DRICH1: variants seen among roughly 807,000 people sequenced by gnomAD.
DRICH1 encodes aspartate-rich protein 1.
A neutral mutation model predicts 39.5 loss-of-function variants in DRICH1; 38 were observed. That is an observed-to-expected ratio of 0.96 (90% confidence interval 0.74 to 1.26). The LOEUF (loss-of-function observed/expected upper bound fraction) is 1.26, where lower values mean the gene tolerates loss of function less well. Among genes scored for constraint, DRICH1 ranks in the 50% most tolerant of loss-of-function variants. The probability of loss-of-function intolerance (pLI) is 0.00; values close to 1 mark genes in which losing one functional copy is unlikely to be tolerated. For synonymous variants in DRICH1, 84 were observed against 99.5 expected (o/e 0.84, Z 0.93); for missense variants, 279 against 270.4 (o/e 1.03, Z -0.22).
At chr22:23,597,363 C>T in the DRICH1 span, among the ~76,000 whole-genome samples, 113 of 147,062 alleles carry the variant, frequency 7.7e-4, 2 homozygotes, top group South Asian at 0.016. Flanking sequence ...TAAAATTAGC[C>T]GGTCACCTAT....
chr22:23,606,537 G>A (rs1401108864), downstream of DRICH1, among the ~76,000 whole-genome samples: 4 of 152,148 alleles, frequency 2.6e-5, no homozygotes, highest in South Asian at 2.1e-4. Context: ...CTTCCATCTC[G>A]GAGTCGAACC....
the DRICH1 span, among the ~76,000 whole-genome samples, chr22:23,582,801 T>C: frequency 6.6e-6 from 1 of 152,080 alleles, no homozygotes; most frequent in Admixed American, 6.5e-5. Context: ...TCTCAGGCGA[T>C]CAGCCCACCT....
chr22:23,592,868 AC>A, the DRICH1 span, among the ~76,000 whole-genome samples: 7 of 151,072 alleles, frequency 4.6e-5, no homozygotes, highest in Admixed American at 2.6e-4. Context: ...ACACACACAC[AC>A]ACACACACAC....
chr22:23,582,570 A>ATTAT, the DRICH1 span, among the ~76,000 whole-genome samples: 96 of 135,650 alleles, frequency 7.1e-4, 4 homozygotes, highest in African/African-American at 2.3e-3. Flanking sequence ...TATTATTATT[A>ATTAT]TTATTATTAT....
the DRICH1 span, chr22:23,581,463 T>A: frequency 2.0e-5 from 3 of 152,446 alleles, no homozygotes; most frequent in Admixed American, 2.0e-4. Context: ...CTCTCCTTCC[T>A]CCAGAGGCGG....
chr22:23,605,644 C>T (rs1926685208), downstream of DRICH1, among the ~76,000 whole-genome samples: 1 of 147,126 alleles, frequency 6.8e-6, no homozygotes, highest in Admixed American at 6.7e-5. Flanking sequence ...GCCTCCATTC[C>T]CACCCCTGCC....
the DRICH1 span, among the ~76,000 whole-genome samples, chr22:23,597,502 C>CAAAAAAA: frequency 9.4e-5 from 10 of 106,420 alleles, no homozygotes; most frequent in Non-Finnish European, 1.3e-4. Context: ...GACCCTGTCT[C>CAAAAAAA]AAAAAAAAAA....
At chr22:23,595,229 C>G in the DRICH1 span, among the ~76,000 whole-genome samples, 1 of 141,088 alleles carries the variant, frequency 7.1e-6, no homozygotes, top group African/African-American at 2.7e-5. Flanking sequence ...CCCTAGAGGC[C>G]GGAATCAGAC....
At chr22:23,619,221 G>T in intron 6 of DRICH1, 143 bp downstream of exon 6, 13 of 554,368 alleles carry the variant, frequency 2.3e-5, no homozygotes, top group East Asian at 6.6e-5. Flanking sequence ...TATTAGTCAT[G>T]TTAAATCTAA....
At chr22:23,595,087 G>A in the DRICH1 span, among the ~76,000 whole-genome samples, 15,187 of 146,676 alleles carry the variant, frequency 0.1, 735 homozygotes, top group East Asian at 0.17. Context: ...TCCTCCGTGT[G>A]CCCGGCCCTG....
At chr22:23,594,750 T>C in the DRICH1 span, among the ~76,000 whole-genome samples, 3 of 152,144 alleles carry the variant, frequency 2.0e-5, no homozygotes, top group African/African-American at 7.2e-5. Flanking sequence ...ACAGGATCTA[T>C]TCCTGTTAAA....
chr22:23,627,899 G>A (rs7292741), intron 1 of DRICH1, among the ~76,000 whole-genome samples: 51,707 of 151,958 alleles, frequency 0.34, 10,151 homozygotes, highest in African/African-American at 0.55. Flanking sequence ...CATCCCAGGG[G>A]TGTGTTCATT....
intron 11 of DRICH1, among the ~76,000 whole-genome samples, 176 bp downstream of exon 11, chr22:23,613,113 T>G (rs1386761162): frequency 6.6e-6 from 1 of 152,184 alleles, no homozygotes; most frequent in African/African-American, 2.4e-5. Flanking sequence ...ATAGAGACAG[T>G]TCTTACCATG....
rs115061956 is a variant in DRICH1 at position 23,614,250 on chromosome 22, G to C, written c.542-36C>G. The C allele has an allele frequency of 5.8e-4, 871 of 1,496,472 alleles. 4 individuals carry two copies. The African/African-American group carries it at 0.011, about 18-fold the overall frequency. The allele number at this position is 1,496,472 out of a possible 1,614,324, so 92.7% of individuals were successfully genotyped here. A position where few individuals can be genotyped will look rare whatever the true frequency, so the allele number is the denominator to read the frequency against. On this transcript the variant is annotated intron_variant, in intron 8 of 11. Coordinates refer to ENST00000317749, the MANE Select transcript of DRICH1 (RefSeq NM_016449.4). ...ACAGAGGAAAGATCAGTGCACCGGTGGTTGGTGACTCTGAGTCACTCGGGG... is the reference window on the plus strand; with the variant it reads ...ACAGAGGAAAGATCAGTGCACCGGTCGTTGGTGACTCTGAGTCACTCGGGG...
At position 23,619,411 on chromosome 22, in the gene DRICH1, A is replaced by C. The variant is rs1350491823; in HGVS notation, c.407-18T>G. 1 of 780,006 alleles carries C rather than the reference A, an allele frequency of 1.3e-6. No homozygotes were observed. Among genetic ancestry groups the C allele is most frequent in the African/African-American group, 1.7e-5 (1 of 59,104 alleles). 48.3% of individuals were successfully genotyped at this position (780,006 alleles called of 1,614,324 possible). On this transcript the variant is annotated intron_variant, in intron 5 of 11. Coordinates refer to ENST00000317749, the MANE Select transcript of DRICH1 (RefSeq NM_016449.4). Reference sequence around the variant, plus strand: ...ACAGCCACCTGCGGAGAAATGGAAAAGTTAATCTAAGACTTTAAGGAATCT... The same window carrying C: ...ACAGCCACCTGCGGAGAAATGGAAACGTTAATCTAAGACTTTAAGGAATCT...
intron 8 of DRICH1, 109 bp from the exon 9 acceptor site, chr22:23,614,323 A>T: frequency 1.3e-6 from 1 of 769,410 alleles, no homozygotes; most frequent in Non-Finnish European, 2.3e-6. Context: ...ACAAGCATGG[A>T]CTGAGTTGAT....
At chr22:23,631,321 C>T (rs1449688749) in intron 1 of DRICH1, among the ~76,000 whole-genome samples, 1 of 151,936 alleles carries the variant, frequency 6.6e-6, no homozygotes, top group Non-Finnish European at 1.5e-5. Flanking sequence ...GAGGCTGATG[C>T]TAGAGAATCG....
chr22:23,613,750 C>A (rs1602333464), intron 9 of DRICH1, 90 bp from the exon 10 acceptor site: 3 of 995,692 alleles, frequency 3.0e-6, no homozygotes, highest in East Asian at 4.9e-5. Context: ...CGATAAAAAA[C>A]CAGAAGGCAG....
intron 1 of DRICH1, among the ~76,000 whole-genome samples, chr22:23,631,515 C>T (rs552096331): frequency 6.6e-6 from 1 of 152,230 alleles, no homozygotes; most frequent in East Asian, 1.9e-4. Context: ...TTAGCTGGTT[C>T]CTTCATTTAG....
Sources: gnomAD v4.1 joint callset for allele counts (sites outside exome capture counted in the v4.1 genomes callset) on GRCh38, gnomAD v4.1.1 for gene constraint, MANE v1.5 for transcripts, NCBI Gene and HGNC (gene_info 2026-07-23, HGNC 2026-07-21) for gene names.